The following SHISA9 variants were observed in gnomAD, a reference collection of about 807,000 sequenced individuals.
SHISA9 encodes the protein protein shisa-9.
SHISA9 carries 13 observed loss-of-function variants against 38.0 expected under a neutral mutation model. That is an observed-to-expected ratio of 0.34 (90% CI 0.22 to 0.54). The LOEUF is 0.54. SHISA9 is among the 20% of genes least tolerant of loss of function. SHISA9 has a pLI of 0.91. For synonymous variants in SHISA9, 275 were observed against 242.0 expected (o/e 1.14, Z -1.27); for missense variants, 538 against 575.8 (o/e 0.93, Z 0.67).
At chr16:13,400,379 CA>C in the SHISA9 span, among the ~76,000 whole-genome samples, 2 of 152,098 alleles carry the variant, frequency 1.3e-5, no homozygotes, top group African/African-American at 4.8e-5. Context: ...CACACACACA[CA>C]CACATATTTC....
the SHISA9 span, among the ~76,000 whole-genome samples, chr16:13,441,936 C>A: frequency 6.6e-6 from 1 of 152,206 alleles, no homozygotes; most frequent in African/African-American, 2.4e-5. Flanking sequence ...TCAAAACTTT[C>A]CCTTCCAAAA....
At chr16:13,498,096 A>G in the SHISA9 span, among the ~76,000 whole-genome samples, 7 of 152,182 alleles carry the variant, frequency 4.6e-5, no homozygotes, top group Non-Finnish European at 7.3e-5. Flanking sequence ...ATAAAAGTTT[A>G]ATGTATTTAG....
the SHISA9 span, among the ~76,000 whole-genome samples, chr16:13,347,701 C>T: frequency 6.6e-6 from 1 of 152,142 alleles, no homozygotes; most frequent in African/African-American, 2.4e-5. Flanking sequence ...TGGGTTATTT[C>T]TAGAATGAGT....
chr16:12,981,204 G>A lies in SHISA9; in HGVS notation c.691+64389G>A, dbSNP rs544262451. Among the ~76,000 whole-genome samples the A allele has an allele frequency of 7.4e-4, 112 of 152,342 alleles. 1 individual carries two copies. Among genetic ancestry groups the A allele is most frequent in the African/African-American group, 2.6e-3 (109 of 41,576 alleles). ...CCCCAGTGAGTTCAGGGGCTAGGGGGTAGGTGAGTCCTAGGATGGGGAACC... is the reference window on the plus strand; with the variant it reads ...CCCCAGTGAGTTCAGGGGCTAGGGGATAGGTGAGTCCTAGGATGGGGAACC... On this transcript the variant is annotated intron_variant, in intron 2 of 4. Coordinates refer to ENST00000558583, the MANE Select transcript of SHISA9 (RefSeq NM_001145204.3).
chr16:12,980,607 A>T (rs1203732282), intron 2 of SHISA9, among the ~76,000 whole-genome samples: 1 of 151,624 alleles, frequency 6.6e-6, no homozygotes. Context: ...GAACTTTTTT[A>T]AAATCTGAGA....
the SHISA9 span, chr16:13,458,376 T>G: frequency 2.7e-6 from 1 of 374,234 alleles, no homozygotes; most frequent in Non-Finnish European, 5.2e-6. Flanking sequence ...TATCAGCAAA[T>G]GGAAGCAAAC....
At chr16:13,053,529 C>A (rs80350604) in intron 2 of SHISA9, among the ~76,000 whole-genome samples, 4,050 of 152,270 alleles carry the variant, frequency 0.027, 114 homozygotes, top group East Asian at 0.12. Context: ...AATTATGGTG[C>A]CCTTCCAGAG....
At chr16:13,295,115 A>C in the SHISA9 span, among the ~76,000 whole-genome samples, 2 of 152,224 alleles carry the variant, frequency 1.3e-5, no homozygotes, top group African/African-American at 4.8e-5. Context: ...TCTAGATTTC[A>C]TGCTCTTAAT....
rs571500751 is a variant in SHISA9 at position 13,092,794 on chromosome 16, C to T, written c.692-110600C>T. ...GTGCTTCTTGGGTGAGGTGACGCTC[C>T]GCCCTGCTTCAGCTTGCCCTCCTTG... On this transcript the variant is annotated intron_variant, in intron 2 of 4. Transcript: ENST00000558583. Among the ~76,000 whole-genome samples, 6 of 152,268 alleles carry T rather than the reference C, an allele frequency of 3.9e-5. No homozygotes were observed. The South Asian group carries it at 6.2e-4, about 16-fold the overall frequency.
the SHISA9 span, among the ~76,000 whole-genome samples, chr16:13,478,283 C>T: frequency 6.7e-6 from 1 of 148,586 alleles, no homozygotes. Flanking sequence ...CCAAAGCTCA[C>T]CTCTTAGTGC....
the SHISA9 span, among the ~76,000 whole-genome samples, chr16:13,351,990 C>G: frequency 6.6e-6 from 1 of 152,290 alleles, no homozygotes; most frequent in East Asian, 1.9e-4. Context: ...CTTCTGGCTC[C>G]TGCCCGAATA....
chr16:12,936,776 C>T (rs1314424727), intron 2 of SHISA9, among the ~76,000 whole-genome samples: 1 of 152,192 alleles, frequency 6.6e-6, no homozygotes, highest in African/African-American at 2.4e-5. Flanking sequence ...CAGATCTCTA[C>T]ACGAGACAAG....
At chr16:13,512,529 A>G in the SHISA9 span, among the ~76,000 whole-genome samples, 3 of 152,290 alleles carry the variant, frequency 2.0e-5, no homozygotes, top group East Asian at 3.9e-4. Context: ...GGAACCAAAA[A>G]AAAGAGAGTC....
the SHISA9 span, among the ~76,000 whole-genome samples, chr16:13,535,881 G>A: frequency 1.3e-5 from 2 of 152,248 alleles, no homozygotes; most frequent in South Asian, 4.2e-4. Context: ...GAATAATCTG[G>A]ATCTGCTAAC....
the SHISA9 span, among the ~76,000 whole-genome samples, chr16:13,356,758 G>T: frequency 2.6e-5 from 4 of 152,154 alleles, no homozygotes; most frequent in African/African-American, 9.7e-5. Context: ...ACTGGGCACA[G>T]AGACTAGGAA....
chr16:13,441,143 C>T, the SHISA9 span, among the ~76,000 whole-genome samples: 4 of 152,166 alleles, frequency 2.6e-5, no homozygotes, highest in South Asian at 2.1e-4. Context: ...AAGAAAAATA[C>T]ACGCAAACTG....
At chr16:13,253,904 AC>A in the SHISA9 span, among the ~76,000 whole-genome samples, 1 of 152,150 alleles carries the variant, frequency 6.6e-6, no homozygotes, top group Non-Finnish European at 1.5e-5. Context: ...ACTGAAGGTT[AC>A]TTTTTTTTTC....
the SHISA9 span, among the ~76,000 whole-genome samples, chr16:13,498,752 A>G: frequency 3.3e-5 from 5 of 152,124 alleles, no homozygotes; most frequent in African/African-American, 1.2e-4. Context: ...GTGAGACTCC[A>G]TCTCAAAAAA....
chr16:13,229,770 G>T (rs750739833), intron 4 of SHISA9, among the ~76,000 whole-genome samples: 1 of 152,230 alleles, frequency 6.6e-6, no homozygotes, highest in Non-Finnish European at 1.5e-5. Flanking sequence ...AGCGTAGTCA[G>T]TGTTATGATG....
Sources: allele counts gnomAD v4.1 joint callset (sites outside exome capture counted in the v4.1 genomes callset), GRCh38; gene constraint gnomAD v4.1.1; transcripts MANE v1.5; gene names NCBI Gene and HGNC (gene_info 2026-07-23, HGNC 2026-07-21).